Variants in DOCK7 observed in about 807,000 individuals in gnomAD.
DOCK7 encodes dedicator of cytokinesis 7, also known as dedicator of cytokinesis protein 7.
DOCK7 carries 138 observed loss-of-function variants against 271.0 expected under a neutral mutation model. That is an observed-to-expected ratio of 0.51 (90% confidence interval 0.44 to 0.59). The LOEUF is 0.59. Among genes scored for constraint, DOCK7 ranks in the 20% least tolerant of loss-of-function variants. DOCK7 has a pLI of 0.00. For missense variants in DOCK7, 2,066 were observed against 2,592.4 expected, an observed-to-expected ratio of 0.80 and a Z score of 4.41; for synonymous variants, 823 against 876.1, an observed-to-expected ratio of 0.94 and a Z score of 1.07.
intron 1 of DOCK7, among the ~76,000 whole-genome samples, chr1:62,670,122 C>T (rs1329489549): frequency 1.3e-5 from 2 of 152,230 alleles, no homozygotes; most frequent in Non-Finnish European, 2.9e-5. Flanking sequence ...TGGCTGCCTT[C>T]CCACGGGGCA....
At chr1:62,646,070 C>T (rs1330220297) in intron 7 of DOCK7, among the ~76,000 whole-genome samples, 3 of 151,702 alleles carry the variant, frequency 2.0e-5, no homozygotes, top group Non-Finnish European at 2.9e-5. Context: ...TCGCTTGAAC[C>T]CGGGAGGCGG....
At position 62,609,911 on chromosome 1, in the gene DOCK7, A is replaced by T. The variant is rs1002760336; in HGVS notation, c.1682+8795T>A. On this transcript the variant is annotated intron_variant, in intron 14 of 49. Transcript: ENST00000635253. ...TGCAGTGGCACTGCACAGTGAGCTG[A>T]GTGATCTCAGCTCTCTGCAACCTCC... Among the ~76,000 whole-genome samples, 9 of 151,808 alleles carry T rather than the reference A, an allele frequency of 5.9e-5. No homozygotes were observed. In the East Asian group the frequency reaches 1.6e-3, roughly 26 times the overall value.
At chr1:62,637,526 G>A (rs981239852) in intron 7 of DOCK7, among the ~76,000 whole-genome samples, 4 of 152,090 alleles carry the variant, frequency 2.6e-5, no homozygotes, top group South Asian at 2.1e-4. Flanking sequence ...AACATCCTAC[G>A]CTGTACAGGA....
chr1:62,498,090 T>TC (rs1258630334), intron 37 of DOCK7, among the ~76,000 whole-genome samples: 1 of 151,746 alleles, frequency 6.6e-6, no homozygotes, highest in Non-Finnish European at 1.5e-5. Flanking sequence ...ATTTTTTTTT[T>TC]TTAATTAGCT....
intron 17 of DOCK7, among the ~76,000 whole-genome samples, chr1:62,577,945 CAA>C (rs1438141206): frequency 6.6e-6 from 1 of 150,848 alleles, no homozygotes; most frequent in Non-Finnish European, 1.5e-5. Flanking sequence ...TTTTTTGAGA[CAA>C]GAGTCTCACT....
chr1:62,641,310 GC>G (rs1411023563), intron 7 of DOCK7: 2 of 412,952 alleles, frequency 4.8e-6, no homozygotes, highest in Admixed American at 2.9e-5. Context: ...TGAGCCAGGA[GC>G]CCCAGGTAGG....
At chr1:62,681,311 C>T (rs1357644341) in intron 1 of DOCK7, among the ~76,000 whole-genome samples, 5 of 144,480 alleles carry the variant, frequency 3.5e-5, no homozygotes, top group South Asian at 2.2e-4. Context: ...CACATGTTCT[C>T]ACTCATAGGT....
At chr1:62,613,444 G>A (rs1031672756) in intron 14 of DOCK7, among the ~76,000 whole-genome samples, 5 of 152,144 alleles carry the variant, frequency 3.3e-5, no homozygotes, top group Non-Finnish European at 7.4e-5. Context: ...GGGAACGACA[G>A]AGTTTGTTAT....
intron 4 of DOCK7, among the ~76,000 whole-genome samples, chr1:62,649,666 T>C (rs1326664357): frequency 6.6e-6 from 1 of 152,174 alleles, no homozygotes; most frequent in Non-Finnish European, 1.5e-5. Flanking sequence ...TCCTGTCCTC[T>C]AGTCTGTTGC....
chr1:62,504,678 G>A lies in DOCK7; in HGVS notation c.4716C>T (p.Ala1572=). 1 of 1,614,054 alleles carries A rather than the reference G, an allele frequency of 6.2e-7. No homozygotes were observed. The part of the protein sequence containing the change: ...SSSIGTIRSH[A]SASLYLLMRQ... ...TCATTAGTAGGTAAAGGGAGGCACT[G>A]GCGTGTGACCGTATTGTACCGATGC... The change falls in exon 37 of 50, where the codon GCC becomes GCT. Residue 1572 remains alanine (A), a synonymous_variant. Coordinates refer to ENST00000635253, the MANE Select transcript of DOCK7 (RefSeq NM_001367561.1).
chr1:62,573,278 G>A (rs1008072877), intron 18 of DOCK7, among the ~76,000 whole-genome samples: 1 of 152,198 alleles, frequency 6.6e-6, no homozygotes, highest in Non-Finnish European at 1.5e-5. Context: ...AGTGCAGAGA[G>A]AAAGGGATGT....
At chr1:62,461,375 A>T (rs1055533413) in intron 48 of DOCK7, among the ~76,000 whole-genome samples, 2 of 152,224 alleles carry the variant, frequency 1.3e-5, no homozygotes, top group East Asian at 3.9e-4. Flanking sequence ...TTCTCATGTA[A>T]AAGTAATATA....
At chr1:62,657,973 G>C (rs1006427096) in intron 2 of DOCK7, among the ~76,000 whole-genome samples, 1 of 151,968 alleles carries the variant, frequency 6.6e-6, no homozygotes, top group African/African-American at 2.4e-5. Context: ...CCTAGAAAGT[G>C]AGAAAAAAGA....
chr1:62,531,184 G>A (rs1459714480), intron 29 of DOCK7, among the ~76,000 whole-genome samples: 2 of 151,984 alleles, frequency 1.3e-5, no homozygotes, highest in East Asian at 1.9e-4. Flanking sequence ...TGCTTTTCAC[G>A]TTCTCCTCTT....
intron 14 of DOCK7, among the ~76,000 whole-genome samples, chr1:62,593,130 T>C (rs1054078843): frequency 1.3e-5 from 2 of 152,170 alleles, no homozygotes; most frequent in African/African-American, 4.8e-5. Context: ...CTATTATACA[T>C]AACAAGATCC....
In DOCK7 at chr1:62,552,783, A is replaced by G. The variant is rs924731018; in HGVS notation, c.2715T>C (p.Ser905=). The G allele has an allele frequency of 4.3e-6, 7 of 1,613,952 alleles. No individual in the cohort carries two copies. The highest frequency in any genetic ancestry group is 5.9e-6 in the Non-Finnish European group (7 of 1,179,946). The change falls in exon 22 of 50, where the codon TCT becomes TCC. Residue 905 remains serine, a synonymous_variant. Coordinates refer to ENST00000635253, the MANE Select transcript of DOCK7 (RefSeq NM_001367561.1). ...CATCATCTGGTGACGTGGGAGTCCCAGATATATCTGGATTGCTATTACTAA... is the reference window on the plus strand; with the variant it reads ...CATCATCTGGTGACGTGGGAGTCCCGGATATATCTGGATTGCTATTACTAA... The part of the protein sequence containing the change: ...RSLSNSNPDI[S]GTPTSPDDEV...
chr1:62,597,742 AC>A lies in DOCK7; in HGVS notation c.1683-11119del, dbSNP rs1385349486. On this transcript the variant is annotated intron_variant, in intron 14 of 49. Transcript: ENST00000635253. ...CTTCAGTTGGGACATGGTCTTAAAG[AC>A]TTTGTCCATAAGACGAAGGGCCAAA... 12 of 1,613,520 alleles carry A rather than the reference AC, an allele frequency of 7.4e-6. No homozygotes were observed. The highest frequency in any genetic ancestry group is 1.0e-5 in the Non-Finnish European group (12 of 1,179,728).
chr1:62,537,301 G>A (rs562424919), intron 28 of DOCK7, among the ~76,000 whole-genome samples: 1 of 151,522 alleles, frequency 6.6e-6, no homozygotes, highest in African/African-American at 2.4e-5. Context: ...ACTTGGGCTC[G>A]GCCGGGAGCG....
At chr1:62,629,742 C>T (rs1351544764) in intron 11 of DOCK7, 2 of 152,196 alleles carry the variant, frequency 1.3e-5, no homozygotes, top group Non-Finnish European at 2.9e-5. Context: ...TTCTTCAAAA[C>T]TGTGACTTTA....
Sources: allele counts gnomAD v4.1 joint callset (sites outside exome capture counted in the v4.1 genomes callset), GRCh38; gene constraint gnomAD v4.1.1; transcripts MANE v1.5; gene names NCBI Gene and HGNC (gene_info 2026-07-23, HGNC 2026-07-21).